PPM1E: variants seen among roughly 807,000 people sequenced by gnomAD.
PPM1E encodes the protein protein phosphatase, Mg2+/Mn2+ dependent 1E.
PPM1E carries 20 observed loss-of-function variants against 65.9 expected under a neutral mutation model. The observed-to-expected ratio is 0.30, with a 90% CI of 0.21 to 0.44. PPM1E has a LOEUF of 0.44. PPM1E is among the 20% of genes least tolerant of loss of function. The pLI, the probability that PPM1E is intolerant of heterozygous loss-of-function variation, is 1.00. For missense variants in PPM1E, 713 were observed against 953.1 expected (o/e 0.75, Z 3.32); for synonymous variants, 352 against 374.9 (o/e 0.94, Z 0.70).
chr17:58,947,708 T>A (rs2052181187), intron 1 of PPM1E, among the ~76,000 whole-genome samples: 1 of 152,132 alleles, frequency 6.6e-6, no homozygotes, highest in Admixed American at 6.5e-5. Context: ...GGGTTTTCAG[T>A]TATTGTCACT....
rs1241825897 is a variant in PPM1E at position 58,893,960 on chromosome 17, G to A, written c.465-61689G>A. Among the ~76,000 whole-genome samples, 4 of 151,968 alleles carry A rather than the reference G, an allele frequency of 2.6e-5. No homozygotes were observed. In the South Asian group the frequency reaches 6.2e-4, roughly 24 times the overall value. ...GTGGTGGCAAACACCTGTAGTCCCA[G>A]CTATTTGGGAGGCTGAAGTGGTAGG... On this transcript the variant is annotated intron_variant, in intron 1 of 6. Coordinates refer to ENST00000308249, the MANE Select transcript of PPM1E (RefSeq NM_014906.5).
At chr17:58,828,501 G>T (rs1204098369) in intron 1 of PPM1E, among the ~76,000 whole-genome samples, 1 of 151,830 alleles carries the variant, frequency 6.6e-6, no homozygotes, top group Non-Finnish European at 1.5e-5. Flanking sequence ...TTTCACTCTT[G>T]TTTCCCAGGC....
intron 1 of PPM1E, among the ~76,000 whole-genome samples, chr17:58,790,741 A>G (rs1218392937): frequency 1.3e-5 from 2 of 152,130 alleles, no homozygotes; most frequent in African/African-American, 4.8e-5. Flanking sequence ...GCCAGAATCA[A>G]CTGGTCCTGT....
chr17:58,835,836 TCCAGCCTGG>T (rs1439793773), intron 1 of PPM1E: 2 of 152,182 alleles, frequency 1.3e-5, no homozygotes, highest in African/African-American at 2.4e-5. Flanking sequence ...GCCACTGCAC[TCCAGCCTGG>T]GTGACAGAAC....
chr17:58,761,094 T>TG (rs2049816569), intron 1 of PPM1E, among the ~76,000 whole-genome samples: 1 of 152,194 alleles, frequency 6.6e-6, no homozygotes, highest in Non-Finnish European at 1.5e-5. Context: ...TTTAAAGAGA[T>TG]GGGGTCTCAC....
chr17:58,776,309 A>G (rs1187914123), intron 1 of PPM1E, among the ~76,000 whole-genome samples: 21 of 152,190 alleles, frequency 1.4e-4, no homozygotes, highest in Non-Finnish European at 4.4e-5. Context: ...CCTGGATGAC[A>G]GAGGAGACCC....
intron 1 of PPM1E, among the ~76,000 whole-genome samples, chr17:58,805,986 A>C (rs2050308466): frequency 3.1e-4 from 33 of 105,726 alleles, no homozygotes; most frequent in Non-Finnish European, 5.5e-4. Flanking sequence ...AAAAAAAAAC[A>C]AAACAAAACA....
intron 1 of PPM1E, among the ~76,000 whole-genome samples, chr17:58,851,278 A>G (rs747959877): frequency 3.9e-5 from 6 of 151,980 alleles, no homozygotes; most frequent in Non-Finnish European, 5.9e-5. Context: ...CCTTCTCTCA[A>G]CTCATCAAAG....
intron 1 of PPM1E, among the ~76,000 whole-genome samples, chr17:58,877,823 A>G (rs1017015068): frequency 6.6e-6 from 1 of 152,174 alleles, no homozygotes. Flanking sequence ...CAAATGCACT[A>G]CTATTCTTGG....
chr17:58,912,208 A>C (rs990931786), intron 1 of PPM1E, among the ~76,000 whole-genome samples: 57 of 152,184 alleles, frequency 3.7e-4, no homozygotes, highest in Non-Finnish European at 5.9e-5. Context: ...GTCAGGGCAC[A>C]ACAAGAGCGG....
intron 1 of PPM1E, among the ~76,000 whole-genome samples, chr17:58,765,971 C>G (rs1274402842): frequency 6.7e-6 from 1 of 149,920 alleles, no homozygotes; most frequent in Non-Finnish European, 1.5e-5. Context: ...ACCTCCGCCT[C>G]CCAAGTTCAA....
chr17:58,942,998 G>A (rs1196527981), intron 1 of PPM1E, among the ~76,000 whole-genome samples: 1 of 151,666 alleles, frequency 6.6e-6, no homozygotes, highest in Non-Finnish European at 1.5e-5. Flanking sequence ...ACTCCAGCCT[G>A]GAAAACAGAG....
At chr17:58,935,071 T>C (rs2143581652) in intron 1 of PPM1E, among the ~76,000 whole-genome samples, 1 of 151,534 alleles carries the variant, frequency 6.6e-6, no homozygotes, top group East Asian at 1.9e-4. Context: ...GCCAACACAG[T>C]GAAACCCCGT....
intron 1 of PPM1E, among the ~76,000 whole-genome samples, chr17:58,929,019 A>C (rs1051564496): frequency 6.6e-6 from 1 of 152,066 alleles, no homozygotes; most frequent in Non-Finnish European, 1.5e-5. Flanking sequence ...CATGAATTTT[A>C]ATATAGCTTT....
intron 1 of PPM1E, among the ~76,000 whole-genome samples, chr17:58,864,995 C>T (rs529339499): frequency 6.6e-6 from 1 of 152,256 alleles, no homozygotes; most frequent in East Asian, 1.9e-4. Flanking sequence ...CCAGATTCAT[C>T]CTTCAAGTAA....
intron 3 of PPM1E, 77 bp from the exon 4 acceptor site, chr17:58,969,462 C>A: frequency 7.1e-7 from 1 of 1,405,554 alleles, no homozygotes; most frequent in Non-Finnish European, 1.0e-6. Flanking sequence ...GGATGGGCAA[C>A]AATGATGCCA....
intron 1 of PPM1E, among the ~76,000 whole-genome samples, chr17:58,940,213 T>C (rs2052045699): frequency 6.6e-6 from 1 of 152,250 alleles, no homozygotes; most frequent in Non-Finnish European, 1.5e-5. Context: ...CTAGTGATTC[T>C]CTTCAAATGA....
chr17:58,936,471 C>G (rs561031826), intron 1 of PPM1E, among the ~76,000 whole-genome samples: 1 of 152,236 alleles, frequency 6.6e-6, no homozygotes, highest in Admixed American at 6.5e-5. Context: ...TTCCCACCTT[C>G]AAGAATTTTT....
At chr17:58,926,288 C>A (rs150119617) in intron 1 of PPM1E, among the ~76,000 whole-genome samples, 123 of 150,990 alleles carry the variant, frequency 8.1e-4, no homozygotes, top group African/African-American at 2.8e-3. Flanking sequence ...GCCGAGGTTG[C>A]ACCATTGCAC....
Sources: allele counts gnomAD v4.1 joint callset (sites outside exome capture counted in the v4.1 genomes callset), GRCh38; gene constraint gnomAD v4.1.1; transcripts MANE v1.5; gene names NCBI Gene and HGNC (gene_info 2026-07-23, HGNC 2026-07-21).